Variants in RAB3C observed in about 807,000 individuals in gnomAD.
The protein encoded by RAB3C is RAB3C, member RAS oncogene family.
RAB3C carries 17 observed loss-of-function variants against 26.4 expected under a neutral mutation model. The observed-to-expected ratio is 0.64, with a 90% confidence interval of 0.44 to 0.97. RAB3C has a LOEUF of 0.97. Ranked by LOEUF, RAB3C falls within the 50% of genes least tolerant of loss-of-function variation. The probability of loss-of-function intolerance (pLI) is 0.00; values close to 1 mark genes in which losing one functional copy is unlikely to be tolerated. For synonymous variants in RAB3C, 91 were observed against 95.9 expected, an observed-to-expected ratio of 0.95 and a Z score of 0.30; for missense variants, 242 against 281.9, an observed-to-expected ratio of 0.86 and a Z score of 1.01.
At chr5:58,688,177 ATGT>A (rs1363675969) in intron 2 of RAB3C, among the ~76,000 whole-genome samples, 1 of 152,064 alleles carries the variant, frequency 6.6e-6, no homozygotes, top group African/African-American at 2.4e-5. Context: ...TCTCGTAAAG[ATGT>A]TGTTGACTGT....
At chr5:58,807,428 G>T (rs1479633775) in intron 3 of RAB3C, among the ~76,000 whole-genome samples, 1 of 152,186 alleles carries the variant, frequency 6.6e-6, no homozygotes, top group Non-Finnish European at 1.5e-5. Context: ...CTATGCAGTA[G>T]GTCTTAGTCA....
chr5:58,835,355 C>G (rs977479536), intron 4 of RAB3C, among the ~76,000 whole-genome samples: 1 of 152,168 alleles, frequency 6.6e-6, no homozygotes, highest in African/African-American at 2.4e-5. Context: ...ACCTTTGACC[C>G]CTGAGTTTCC....
At chr5:58,795,163 T>C (rs1742615524) in intron 3 of RAB3C, among the ~76,000 whole-genome samples, 1 of 152,182 alleles carries the variant, frequency 6.6e-6, no homozygotes, top group Non-Finnish European at 1.5e-5. Context: ...CATGCTCTCT[T>C]TGCCTGTCAC....
rs77009703 is a variant in RAB3C, at chr5:58,674,402, C to A, written c.253-51600C>A. ...TGATTCCTGGGTTTTTAATTGAAAG[C>A]TAAGTATTATGGTGGGATATAAACC... On this transcript the variant is annotated intron_variant, in intron 2 of 4. Transcript: ENST00000282878. 5.8e-3 allele frequency among the ~76,000 whole-genome samples: 882 copies of A among 152,212 alleles called. 61 individuals are homozygous for A. The East Asian group carries it at 0.14, about 24-fold the overall frequency.
intron 3 of RAB3C, among the ~76,000 whole-genome samples, chr5:58,745,392 C>CAAAAAAAAAAAA (rs1173604247): frequency 1.2e-3 from 40 of 33,110 alleles, no homozygotes; most frequent in African/African-American, 3.5e-3. Flanking sequence ...GACTCTGCTT[C>CAAAAAAAAAAAA]AAAAAAAAAA....
At chr5:58,816,860 A>G (rs901764982) in intron 3 of RAB3C, among the ~76,000 whole-genome samples, 1 of 152,172 alleles carries the variant, frequency 6.6e-6, no homozygotes, top group African/African-American at 2.4e-5. Flanking sequence ...CCAAGGCCCT[A>G]TGAAGGGTGC....
intron 2 of RAB3C, among the ~76,000 whole-genome samples, chr5:58,642,146 T>G (rs1223827002): frequency 6.6e-6 from 1 of 152,260 alleles, no homozygotes; most frequent in African/African-American, 2.4e-5. Context: ...CTGCATTTGC[T>G]GTCAGCCTAA....
At chr5:58,629,202 G>A (rs369540533) in intron 2 of RAB3C, among the ~76,000 whole-genome samples, 17 of 151,898 alleles carry the variant, frequency 1.1e-4, no homozygotes, top group Admixed American at 2.0e-4. Flanking sequence ...GCAATCCTCC[G>A]TCAATTACCC....
intron 3 of RAB3C, among the ~76,000 whole-genome samples, chr5:58,727,962 T>G (rs963824056): frequency 6.6e-6 from 1 of 152,014 alleles, no homozygotes; most frequent in Non-Finnish European, 1.5e-5. Flanking sequence ...AAACCATTCA[T>G]TGTTTCTGAA....
At chr5:58,645,945 A>G (rs1747507765) in intron 2 of RAB3C, among the ~76,000 whole-genome samples, 1 of 152,214 alleles carries the variant, frequency 6.6e-6, no homozygotes, top group Non-Finnish European at 1.5e-5. Context: ...TTCCAGAAAC[A>G]AATGTCGTTC....
At chr5:58,613,271 G>A (rs1406788073) in intron 1 of RAB3C, among the ~76,000 whole-genome samples, 1 of 152,122 alleles carries the variant, frequency 6.6e-6, no homozygotes, top group Non-Finnish European at 1.5e-5. Flanking sequence ...GGCTTTCCAA[G>A]ACACCAACTT....
At chr5:58,798,110 T>C (rs1224974374) in intron 3 of RAB3C, among the ~76,000 whole-genome samples, 1 of 151,944 alleles carries the variant, frequency 6.6e-6, no homozygotes, top group African/African-American at 2.4e-5. Context: ...GCCTCCTCTT[T>C]ACAGAAGAAT....
intron 1 of RAB3C, among the ~76,000 whole-genome samples, chr5:58,614,244 T>C (rs545988546): frequency 6.6e-6 from 1 of 152,110 alleles, no homozygotes; most frequent in Non-Finnish European, 1.5e-5. Flanking sequence ...ACTTTAGTAT[T>C]TAGAGATATC....
Position 58,855,478 on chromosome 5 carries a change from T to A in RAB3C, c.*4127T>A, listed in dbSNP as rs1744238266. The A allele has an allele frequency of 6.6e-6, 1 of 152,210 alleles. No homozygotes were observed. Among genetic ancestry groups the A allele is most frequent in the South Asian group, 2.1e-4 (1 of 4,832 alleles). The allele number at this position is 152,210 out of a possible 1,614,324, so 9.4% of individuals were successfully genotyped here. A position where few individuals can be genotyped will look rare whatever the true frequency, so the allele number is the denominator to read the frequency against. Reference sequence around the variant, plus strand: ...TCTGTTCCTTTGCGTGTATAGTCACTTAGTGTGCTGTCCGGGTGCCACATG... The same window carrying A: ...TCTGTTCCTTTGCGTGTATAGTCACATAGTGTGCTGTCCGGGTGCCACATG... On this transcript the variant is annotated 3_prime_UTR_variant, in exon 5 of 5. Transcript: ENST00000282878.
At chr5:58,660,813 AAGAG>A (rs1747889333) in intron 2 of RAB3C, among the ~76,000 whole-genome samples, 1 of 150,168 alleles carries the variant, frequency 6.7e-6, no homozygotes, top group South Asian at 2.1e-4. Flanking sequence ...ATAAGGAAAA[AAGAG>A]AGAGCATGGA....
intron 4 of RAB3C, among the ~76,000 whole-genome samples, chr5:58,839,049 T>C (rs1452506608): frequency 1.3e-5 from 2 of 152,076 alleles, no homozygotes; most frequent in Non-Finnish European, 2.9e-5. Context: ...TCTGCTTGAA[T>C]GGAACATCTT....
chr5:58,743,300 T>C (rs1383245348), intron 3 of RAB3C, among the ~76,000 whole-genome samples: 1 of 152,182 alleles, frequency 6.6e-6, no homozygotes, highest in Non-Finnish European at 1.5e-5. Context: ...ATCCAGACCA[T>C]ATATTAGAGT....
intron 3 of RAB3C, chr5:58,822,784 G>T: frequency 1.8e-6 from 1 of 567,092 alleles, no homozygotes; most frequent in South Asian, 1.5e-5. Flanking sequence ...AGGTTGGCCT[G>T]ACAAATTATG....
intron 2 of RAB3C, among the ~76,000 whole-genome samples, chr5:58,713,745 G>A (rs377507713): frequency 6.6e-6 from 1 of 152,214 alleles, no homozygotes; most frequent in African/African-American, 2.4e-5. Flanking sequence ...AATTAAACAG[G>A]TGCTAGAGGA....
Sources: gnomAD v4.1 joint callset for allele counts (sites outside exome capture counted in the v4.1 genomes callset) on GRCh38, gnomAD v4.1.1 for gene constraint, MANE v1.5 for transcripts, NCBI Gene and HGNC (gene_info 2026-07-23, HGNC 2026-07-21) for gene names.